The following TACC2 variants were observed in gnomAD, a reference collection of about 807,000 sequenced individuals.
The protein encoded by TACC2 is transforming acidic coiled-coil containing protein 2, also known as transforming acidic coiled-coil-containing protein 2.
A neutral mutation model predicts 227.3 loss-of-function variants in TACC2; 137 were observed. The ratio of observed to expected loss-of-function variants is 0.60; its 90% CI spans 0.52 to 0.69. The LOEUF is 0.69. Among genes scored for constraint, TACC2 ranks in the 30% least tolerant of loss-of-function variants. The pLI, the probability that TACC2 is intolerant of heterozygous loss-of-function variation, is 0.00. For synonymous variants in TACC2, 1,523 were observed against 1,487.5 expected, an observed-to-expected ratio of 1.02 and a Z score of -0.55; for missense variants, 3,470 against 3,694.4, an observed-to-expected ratio of 0.94 and a Z score of 1.57.
intron 10 of TACC2, among the ~76,000 whole-genome samples, chr10:122,216,231 C>CT (rs915659342): frequency 5.3e-5 from 8 of 152,128 alleles, no homozygotes; most frequent in Non-Finnish European, 1.0e-4. Context: ...TAAGATCCCC[C>CT]TTTTTCTGCC....
chr10:122,165,857 C>G (rs919522214), intron 7 of TACC2, among the ~76,000 whole-genome samples: 1 of 152,210 alleles, frequency 6.6e-6, no homozygotes, highest in African/African-American at 2.4e-5. Context: ...TAGCATCTGT[C>G]CTCTTCAAAA....
intron 7 of TACC2, among the ~76,000 whole-genome samples, chr10:122,185,754 GT>G (rs2094165478): frequency 6.6e-6 from 1 of 152,208 alleles, no homozygotes; most frequent in Non-Finnish European, 1.5e-5. Context: ...TTTCAGATGG[GT>G]AAGGGGGTAC....
intron 2 of TACC2, among the ~76,000 whole-genome samples, chr10:122,032,751 G>A (rs974620331): frequency 6.6e-6 from 1 of 152,120 alleles, no homozygotes; most frequent in Non-Finnish European, 1.5e-5. Context: ...CTGAGGTCAG[G>A]AGTTCAAAAC....
In TACC2 at chr10:122,028,480, T is replaced by C. The variant is rs931056640; in HGVS notation, c.33+6466T>C. Among the ~76,000 whole-genome samples, 167 of 152,338 alleles carry C rather than the reference T, an allele frequency of 1.1e-3. 1 individual carries two copies. Among genetic ancestry groups the C allele is most frequent in the Non-Finnish European group, 3.5e-4 (24 of 68,032 alleles). On this transcript the variant is annotated intron_variant, in intron 2 of 22. Coordinates refer to ENST00000369005, the MANE Select transcript of TACC2 (RefSeq NM_206862.4). Reference sequence around the variant, plus strand: ...GTTTATACCTAAGTATTATGTTTTCTTTGGAGTGACCGTAAATGGTGTCAT... The same window carrying C: ...GTTTATACCTAAGTATTATGTTTTCCTTGGAGTGACCGTAAATGGTGTCAT...
rs184592875 is a variant in TACC2, at chr10:122,101,342, C to A, written c.5573+12751C>A. 1.7e-4 allele frequency among the ~76,000 whole-genome samples: 26 copies of A among 152,228 alleles called. No individual in the cohort carries two copies. The East Asian group carries it at 4.8e-3, about 28-fold the overall frequency. Reference sequence around the variant, plus strand: ...ACATCTATCACTATTGGAAGGAGTCCCCTGCAATGGCAGGGACTGTGCCTG... The same window carrying A: ...ACATCTATCACTATTGGAAGGAGTCACCTGCAATGGCAGGGACTGTGCCTG... On this transcript the variant is annotated intron_variant, in intron 5 of 22. Coordinates refer to ENST00000369005, the MANE Select transcript of TACC2 (RefSeq NM_206862.4).
intron 2 of TACC2, among the ~76,000 whole-genome samples, chr10:122,046,772 T>G (rs1242812971): frequency 1.3e-5 from 2 of 152,182 alleles, no homozygotes; most frequent in South Asian, 2.1e-4. Flanking sequence ...ATTTATCTGT[T>G]AAATTATTTG....
In TACC2 at chr10:122,130,010, A is replaced by G. The variant is rs117825140; in HGVS notation, c.5574-2599A>G. Among the ~76,000 whole-genome samples, 534 of 152,262 alleles carry G rather than the reference A, an allele frequency of 3.5e-3. 33 individuals are homozygous for G. The East Asian group carries it at 0.095, about 27-fold the overall frequency. ...AAGCTTCAGGCTGATTCTTCTGCCT[A>G]GGATCAATACGGAGTCTCCCTCTGT... On this transcript the variant is annotated intron_variant, in intron 5 of 22. Coordinates refer to ENST00000369005, the MANE Select transcript of TACC2 (RefSeq NM_206862.4).
chr10:122,014,951 G>A (rs7922949), intron 1 of TACC2, among the ~76,000 whole-genome samples: 69,152 of 151,772 alleles, frequency 0.46, 15,874 homozygotes, highest in South Asian at 0.6. Context: ...AGAGATAAAG[G>A]CGGAAGTTAT....
chr10:122,024,133 C>G (rs919831792), intron 2 of TACC2, among the ~76,000 whole-genome samples: 2 of 152,048 alleles, frequency 1.3e-5, no homozygotes, highest in Non-Finnish European at 2.9e-5. Flanking sequence ...TTTGGGAGGC[C>G]GAGGCAGGAG....
At chr10:122,056,366 G>T (rs547447697) in intron 3 of TACC2, among the ~76,000 whole-genome samples, 1 of 152,196 alleles carries the variant, frequency 6.6e-6, no homozygotes, top group South Asian at 2.1e-4. Context: ...GTAGAGATGG[G>T]GTTTCACCAT....
At chr10:122,025,853 C>T (rs1318060435) in intron 2 of TACC2, among the ~76,000 whole-genome samples, 1 of 151,134 alleles carries the variant, frequency 6.6e-6, no homozygotes, top group African/African-American at 2.4e-5. Flanking sequence ...GGATTACAGG[C>T]GTAAGCCACT....
chr10:122,119,508 T>G (rs1167318353), intron 5 of TACC2, among the ~76,000 whole-genome samples: 1 of 152,224 alleles, frequency 6.6e-6, no homozygotes, highest in Non-Finnish European at 1.5e-5. Flanking sequence ...CCAGAGGGGC[T>G]GGTCCGTTCA....
At chr10:122,252,713 GA>G (rs1230972419) in intron 22 of TACC2, among the ~76,000 whole-genome samples, 1 of 152,000 alleles carries the variant, frequency 6.6e-6, no homozygotes, top group Non-Finnish European at 1.5e-5. Context: ...GGCTGGTCTT[GA>G]ACTCCTGACC....
intron 7 of TACC2, among the ~76,000 whole-genome samples, chr10:122,158,611 C>G (rs1331621522): frequency 6.6e-6 from 1 of 151,954 alleles, no homozygotes; most frequent in African/African-American, 2.4e-5. Context: ...TTGAAAGGTT[C>G]CAGGTGTAAA....
At chr10:122,151,320 C>T (rs2092015181) in intron 7 of TACC2, among the ~76,000 whole-genome samples, 1 of 152,184 alleles carries the variant, frequency 6.6e-6, no homozygotes, top group Non-Finnish European at 1.5e-5. Flanking sequence ...GAGGCGGCAT[C>T]ACCACTGAGT....
intron 19 of TACC2, among the ~76,000 whole-genome samples, chr10:122,245,949 A>G (rs548774044): frequency 1.3e-5 from 2 of 150,052 alleles, no homozygotes; most frequent in African/African-American, 5.1e-5. Context: ...AGAGGCTCCT[A>G]GCCACTGGCC....
chr10:122,000,882 A>G (rs7358045), intron 1 of TACC2, among the ~76,000 whole-genome samples: 92,538 of 152,090 alleles, frequency 0.61, 28,473 homozygotes, highest in Admixed American at 0.65. Flanking sequence ...GAGTGTAGTC[A>G]TGTGATCTTG....
At chr10:122,207,663 A>G (rs1488240568) in intron 8 of TACC2, among the ~76,000 whole-genome samples, 1 of 152,264 alleles carries the variant, frequency 6.6e-6, no homozygotes, top group Admixed American at 6.5e-5. Flanking sequence ...TTCCTGGTTC[A>G]TGATGAGCTA....
intron 7 of TACC2, among the ~76,000 whole-genome samples, chr10:122,167,553 C>G (rs918350365): frequency 2.0e-5 from 3 of 152,150 alleles, no homozygotes; most frequent in African/African-American, 7.2e-5. Context: ...ATCTCGGGTA[C>G]CACCGCAGTA....
Sources: gnomAD v4.1 joint callset for allele counts (sites outside exome capture counted in the v4.1 genomes callset) on GRCh38, gnomAD v4.1.1 for gene constraint, MANE v1.5 for transcripts, NCBI Gene and HGNC (gene_info 2026-07-23, HGNC 2026-07-21) for gene names.